The following SMARCC1 variants were observed in gnomAD, a reference collection of about 807,000 sequenced individuals.
SMARCC1 encodes the protein SWI/SNF complex subunit SMARCC1.
A neutral mutation model predicts 147.4 loss-of-function variants in SMARCC1; 43 were observed. The observed-to-expected ratio is 0.29, with a 90% CI of 0.23 to 0.38. The LOEUF is 0.38. Ranked by LOEUF, SMARCC1 falls within the 10% of genes least tolerant of loss-of-function variation. The pLI is 1.00. For synonymous variants in SMARCC1, 495 were observed against 484.4 expected (o/e 1.02, Z -0.29); for missense variants, 1,119 against 1,381.1 (o/e 0.81, Z 3.01).
chr3:47,684,093 A>G (rs1276256818), intron 14 of SMARCC1, among the ~76,000 whole-genome samples: 1 of 152,076 alleles, frequency 6.6e-6, no homozygotes, highest in Non-Finnish European at 1.5e-5. Flanking sequence ...ACAAAAAATT[A>G]GCCGGGCGTA....
At chr3:47,725,537 G>A (rs111728870) in intron 6 of SMARCC1, among the ~76,000 whole-genome samples, 2,538 of 151,910 alleles carry the variant, frequency 0.017, 84 homozygotes, top group African/African-American at 0.058. Flanking sequence ...CGCAACCTCC[G>A]CCTCCTGGGT....
At chr3:47,645,752 C>T (rs1016147477) in intron 21 of SMARCC1, among the ~76,000 whole-genome samples, 3 of 152,184 alleles carry the variant, frequency 2.0e-5, no homozygotes, top group Non-Finnish European at 4.4e-5. Context: ...TGACTACACA[C>T]CATCTGTAGG....
At chr3:47,748,851 G>A (rs980282678) in intron 2 of SMARCC1, among the ~76,000 whole-genome samples, 1 of 152,112 alleles carries the variant, frequency 6.6e-6, no homozygotes, top group African/African-American at 2.4e-5. Context: ...CAAGGAAAGA[G>A]GGACAAGGAA....
Position 47,635,199 on chromosome 3 carries a change from G to C in SMARCC1, c.2637C>G (p.Thr879=). 6.2e-7 allele frequency: 1 copy of C among 1,613,602 alleles called. No individual in the cohort carries two copies. Among genetic ancestry groups the C allele is most frequent in the Non-Finnish European group, 8.5e-7 (1 of 1,179,892 alleles). ...GCTGTCAGGGGCAAACCTTGGCTTT[G>C]GTAGCCGCTGAGGCAAGAGCAGCTG... ...AAAAALASAA[T]KAKHLAAVEE... Residue 879 remains threonine, a synonymous_variant, in exon 24 of 28, where the codon ACC becomes ACG. Transcript: ENST00000254480.
chr3:47,658,437 C>T (rs1213676914), intron 21 of SMARCC1, among the ~76,000 whole-genome samples: 1 of 152,206 alleles, frequency 6.6e-6, no homozygotes, highest in Non-Finnish European at 1.5e-5. Flanking sequence ...CCCAATCCTC[C>T]ATTCCGCTTA....
chr3:47,758,798 C>T (rs1246087642), intron 2 of SMARCC1, among the ~76,000 whole-genome samples: 1 of 151,900 alleles, frequency 6.6e-6, no homozygotes, highest in Non-Finnish European at 1.5e-5. Context: ...TTTTGGGAGG[C>T]TGAGGTGGGT....
chr3:47,640,139 C>T (rs1182085232), intron 21 of SMARCC1, among the ~76,000 whole-genome samples: 14 of 151,860 alleles, frequency 9.2e-5, no homozygotes. Context: ...GAACGTAAAG[C>T]CTTAGGCTTA....
At chr3:47,712,890 A>AGT (rs2034105915) in intron 8 of SMARCC1, among the ~76,000 whole-genome samples, 2 of 152,302 alleles carry the variant, frequency 1.3e-5, no homozygotes, top group East Asian at 3.9e-4. Context: ...CTGATACTAT[A>AGT]ATCTACAGGG....
At chr3:47,676,909 T>C in intron 16 of SMARCC1, 127 bp from the exon 17 acceptor site, 1 of 741,452 alleles carries the variant, frequency 1.3e-6, no homozygotes, top group Admixed American at 2.8e-5. Flanking sequence ...CTGTCAAACA[T>C]CACAAACTAC....
intron 2 of SMARCC1, among the ~76,000 whole-genome samples, chr3:47,758,170 A>G (rs1276917363): frequency 6.6e-6 from 1 of 152,124 alleles, no homozygotes; most frequent in Non-Finnish European, 1.5e-5. Flanking sequence ...CCCAGGCTGG[A>G]GTGCAGTGGA....
At chr3:47,676,858 A>G in intron 16 of SMARCC1, 76 bp from the exon 17 acceptor site, 1 of 1,274,214 alleles carries the variant, frequency 7.8e-7, no homozygotes, top group Non-Finnish European at 1.1e-6. Flanking sequence ...TCATGCCATT[A>G]AAAAACAGAA....
intron 11 of SMARCC1, among the ~76,000 whole-genome samples, chr3:47,699,054 T>C (rs1055616561): frequency 1.3e-5 from 2 of 152,126 alleles, no homozygotes; most frequent in Non-Finnish European, 2.9e-5. Flanking sequence ...GTCACAGACC[T>C]AACTATAAAA....
At chr3:47,723,779 T>C (rs548563373) in intron 6 of SMARCC1, among the ~76,000 whole-genome samples, 1 of 151,966 alleles carries the variant, frequency 6.6e-6, no homozygotes, top group East Asian at 1.9e-4. Context: ...CACTGCACTT[T>C]AGGCCTGGGC....
At chr3:47,661,237 A>G in intron 21 of SMARCC1, 57 bp downstream of exon 21, 1 of 1,440,430 alleles carries the variant, frequency 6.9e-7, no homozygotes, top group South Asian at 1.4e-5. Flanking sequence ...ATTTGAGTAA[A>G]CTGACAGGAA....
chr3:47,719,962 C>T (rs2034208825), intron 7 of SMARCC1, among the ~76,000 whole-genome samples: 1 of 151,940 alleles, frequency 6.6e-6, no homozygotes, highest in Admixed American at 6.6e-5. Flanking sequence ...GTCTTGAACT[C>T]CTGACCTCAT....
chr3:47,768,960 A>G (rs1216087123), intron 2 of SMARCC1, among the ~76,000 whole-genome samples: 1 of 152,166 alleles, frequency 6.6e-6, no homozygotes, highest in Non-Finnish European at 1.5e-5. Flanking sequence ...CTGTAATCCC[A>G]GCACTTTGGG....
chr3:47,600,898 T>C (rs1204308271), intron 26 of SMARCC1, among the ~76,000 whole-genome samples: 1 of 151,292 alleles, frequency 6.6e-6, no homozygotes, highest in Non-Finnish European at 1.5e-5. Context: ...CTGAAATGCA[T>C]AGGAACAGGC....
intron 2 of SMARCC1, among the ~76,000 whole-genome samples, chr3:47,764,656 T>C (rs1253145831): frequency 6.6e-6 from 1 of 152,148 alleles, no homozygotes; most frequent in East Asian, 1.9e-4. Flanking sequence ...CTGAGCTCTA[T>C]CTAACTGGTC....
At chr3:47,670,184 G>T (rs1302922376) in intron 19 of SMARCC1, among the ~76,000 whole-genome samples, 1 of 152,138 alleles carries the variant, frequency 6.6e-6, no homozygotes, top group Non-Finnish European at 1.5e-5. Flanking sequence ...CACAGAAAAG[G>T]ATTTAAGTAT....
Sources: allele counts gnomAD v4.1 joint callset (sites outside exome capture counted in the v4.1 genomes callset), GRCh38; gene constraint gnomAD v4.1.1; transcripts MANE v1.5; gene names NCBI Gene and HGNC (gene_info 2026-07-23, HGNC 2026-07-21).